The following PRKCB variants were observed in gnomAD, a reference collection of about 807,000 sequenced individuals.
PRKCB encodes protein kinase C beta type.
In PRKCB, 13 loss-of-function variants were observed where a neutral mutation model predicts 81.5. The observed-to-expected ratio is 0.16, with a 90% CI of 0.10 to 0.25. The LOEUF (loss-of-function observed/expected upper bound fraction) is 0.25, where lower values mean the gene tolerates loss of function less well. PRKCB is among the 10% of genes least tolerant of loss of function. PRKCB has a pLI of 1.00. For synonymous variants in PRKCB, 335 were observed against 321.4 expected (o/e 1.04, Z -0.45); for missense variants, 509 against 875.7 (o/e 0.58, Z 5.29).
At chr16:23,943,978 C>T (rs778679560) in intron 2 of PRKCB, among the ~76,000 whole-genome samples, 2 of 152,142 alleles carry the variant, frequency 1.3e-5, no homozygotes, top group Non-Finnish European at 2.9e-5. Flanking sequence ...GGACTTGGTT[C>T]CTTATGGACT....
At chr16:23,904,781 T>C (rs1351577423) in intron 2 of PRKCB, among the ~76,000 whole-genome samples, 1 of 152,152 alleles carries the variant, frequency 6.6e-6, no homozygotes, top group African/African-American at 2.4e-5. Flanking sequence ...ATATTTGGGA[T>C]TTAAAAGTTG....
intron 2 of PRKCB, among the ~76,000 whole-genome samples, chr16:23,925,098 G>A (rs913097683): frequency 3.9e-5 from 6 of 152,044 alleles, no homozygotes; most frequent in Admixed American, 1.3e-4. Flanking sequence ...CTGCCTTCTA[G>A]TTTACCTCAA....
intron 2 of PRKCB, among the ~76,000 whole-genome samples, chr16:23,923,196 C>A (rs1339952382): frequency 6.6e-6 from 1 of 151,906 alleles, no homozygotes; most frequent in African/African-American, 2.4e-5. Context: ...TTTATAAAAC[C>A]AAAAAGTCCA....
chr16:23,882,025 C>CTCTTTCTTTCTTTCTTTCTTTCTTT (rs1597226197), intron 2 of PRKCB, among the ~76,000 whole-genome samples: 3 of 18,330 alleles, frequency 1.6e-4, no homozygotes, highest in African/African-American at 4.4e-4. Flanking sequence ...TTTCTTTCTT[C>CTCTTTCTTTCTTTCTTTCTTTCTTT]CTTCCTTCCT....
At chr16:24,172,027 GC>G in intron 10 of PRKCB, 1 of 375,740 alleles carries the variant, frequency 2.7e-6, no homozygotes, top group South Asian at 3.4e-5. Flanking sequence ...ACAGCTGTGA[GC>G]CACCATGCCT....
chr16:24,145,321 G>T (rs997421915), intron 9 of PRKCB, among the ~76,000 whole-genome samples: 3 of 152,186 alleles, frequency 2.0e-5, no homozygotes, highest in Admixed American at 6.5e-5. Flanking sequence ...GTTCATGCCT[G>T]TAATCCAGCA....
At chr16:24,012,957 A>G (rs1230645970) in intron 3 of PRKCB, among the ~76,000 whole-genome samples, 2 of 152,200 alleles carry the variant, frequency 1.3e-5, no homozygotes, top group African/African-American at 4.8e-5. Context: ...GTGGGTCTCA[A>G]TTCTAGTTGC....
intron 5 of PRKCB, among the ~76,000 whole-genome samples, chr16:24,064,839 T>C (rs1966012532): frequency 6.6e-6 from 1 of 151,648 alleles, no homozygotes; most frequent in Non-Finnish European, 1.5e-5. Flanking sequence ...ATAATGCTTC[T>C]TGCCTTAAAG....
chr16:23,925,510 G>A (rs541248991), intron 2 of PRKCB, among the ~76,000 whole-genome samples: 1 of 152,162 alleles, frequency 6.6e-6, no homozygotes, highest in South Asian at 2.1e-4. Flanking sequence ...GGGGACTGGG[G>A]ATCCAAGGAC....
chr16:24,084,599 A>G (rs1341478970), intron 5 of PRKCB, among the ~76,000 whole-genome samples: 3 of 152,200 alleles, frequency 2.0e-5, no homozygotes, highest in African/African-American at 4.8e-5. Flanking sequence ...CCTAGTATTC[A>G]CAAAATTAGT....
intron 16 of PRKCB, among the ~76,000 whole-genome samples, chr16:24,213,254 C>T (rs1968174205): frequency 6.6e-6 from 1 of 151,976 alleles, no homozygotes; most frequent in South Asian, 2.1e-4. Flanking sequence ...AGGATGGTCT[C>T]GATCTCCTGA....
chr16:24,011,851 A>G (rs1387011135), intron 3 of PRKCB, among the ~76,000 whole-genome samples: 2 of 152,328 alleles, frequency 1.3e-5, no homozygotes, highest in Non-Finnish European at 2.9e-5. Context: ...CAAGGTGAAG[A>G]TGATAATATA....
intron 2 of PRKCB, among the ~76,000 whole-genome samples, chr16:23,984,811 G>A (rs991897089): frequency 1.3e-5 from 2 of 152,236 alleles, no homozygotes; most frequent in Non-Finnish European, 2.9e-5. Flanking sequence ...TTGAAGTGTA[G>A]AGAGGGAGAG....
chr16:24,104,165 T>C (rs405322), intron 7 of PRKCB, among the ~76,000 whole-genome samples: 2 of 151,956 alleles, frequency 1.3e-5, no homozygotes, highest in Admixed American at 6.6e-5. Flanking sequence ...AAATGTGTAG[T>C]GTTTATTAAG....
intron 2 of PRKCB, among the ~76,000 whole-genome samples, chr16:23,970,677 C>T (rs1964544115): frequency 6.6e-6 from 1 of 152,226 alleles, no homozygotes; most frequent in African/African-American, 2.4e-5. Context: ...ATCACGATCA[C>T]ACTTTCAGGG....
intron 5 of PRKCB, among the ~76,000 whole-genome samples, chr16:24,080,978 C>T (rs1966241657): frequency 6.6e-6 from 1 of 152,020 alleles, no homozygotes; most frequent in Admixed American, 6.5e-5. Context: ...ATACCAAAAC[C>T]AGACAAAAAT....
At chr16:24,112,372 AT>A (rs937664261) in intron 7 of PRKCB, among the ~76,000 whole-genome samples, 2 of 151,504 alleles carry the variant, frequency 1.3e-5, no homozygotes, top group East Asian at 1.9e-4. Flanking sequence ...CTACAAAAAA[AT>A]TTTTTTTTGT....
At chr16:24,078,062 A>G (rs1238036664) in intron 5 of PRKCB, among the ~76,000 whole-genome samples, 1 of 152,110 alleles carries the variant, frequency 6.6e-6, no homozygotes, top group African/African-American at 2.4e-5. Context: ...TTCTGGCCCT[A>G]TGCTGCTTGG....
chr16:23,975,831 T>G (rs1964617885), intron 2 of PRKCB, among the ~76,000 whole-genome samples: 2 of 152,170 alleles, frequency 1.3e-5, no homozygotes, highest in African/African-American at 2.4e-5. Context: ...CACATTTGGT[T>G]TGTTAGTCAG....
Sources: gnomAD v4.1 joint callset for allele counts (sites outside exome capture counted in the v4.1 genomes callset) on GRCh38, gnomAD v4.1.1 for gene constraint, MANE v1.5 for transcripts, NCBI Gene and HGNC (gene_info 2026-07-23, HGNC 2026-07-21) for gene names.